The following MOSMO variants were observed in gnomAD, a reference collection of about 807,000 sequenced individuals.
MOSMO encodes the protein modulator of smoothened protein.
MOSMO carries 5 observed loss-of-function variants against 18.4 expected under a neutral mutation model. The observed-to-expected ratio is 0.27, with a 90% CI of 0.14 to 0.57. The LOEUF (loss-of-function observed/expected upper bound fraction) is 0.57, where lower values mean the gene tolerates loss of function less well. Ranked by LOEUF, MOSMO falls within the 20% of genes least tolerant of loss-of-function variation. The pLI is 0.92. For synonymous variants in MOSMO, 82 were observed against 82.3 expected, an observed-to-expected ratio of 1.00 and a Z score of 0.02; for missense variants, 138 against 211.8, an observed-to-expected ratio of 0.65 and a Z score of 2.16.
chr16:22,060,481 C>T (rs1900621010), intron 1 of MOSMO, among the ~76,000 whole-genome samples: 1 of 152,184 alleles, frequency 6.6e-6, no homozygotes, highest in Non-Finnish European at 1.5e-5. Flanking sequence ...CCTACCTCTA[C>T]ATTTTTAGAA....
At chr16:22,078,992 G>A (rs1285295132) in intron 2 of MOSMO, among the ~76,000 whole-genome samples, 3 of 152,316 alleles carry the variant, frequency 2.0e-5, no homozygotes, top group Non-Finnish European at 2.9e-5. Context: ...GAAATAAGCT[G>A]TAAGTTTGTA....
downstream of MOSMO, among the ~76,000 whole-genome samples, chr16:22,084,938 C>T (rs1399631423): frequency 6.6e-6 from 1 of 152,218 alleles, no homozygotes; most frequent in African/African-American, 2.4e-5. Context: ...CGTCATGCTT[C>T]CATGAGCTAG....
At chr16:22,065,868 TC>T (rs1281930022) in intron 1 of MOSMO, among the ~76,000 whole-genome samples, 2 of 152,186 alleles carry the variant, frequency 1.3e-5, no homozygotes, top group Admixed American at 1.3e-4. Context: ...AGTAAGGACC[TC>T]CAAAAATCTG....
At chr16:22,016,422 T>C (rs1167161220) in intron 1 of MOSMO, among the ~76,000 whole-genome samples, 1 of 152,218 alleles carries the variant, frequency 6.6e-6, no homozygotes, top group African/African-American at 2.4e-5. Context: ...TATTTACTTA[T>C]ACCTGCCTTG....
At position 22,080,824 on chromosome 16, in the gene MOSMO, A is replaced by G. The variant is rs1901064610; in HGVS notation, c.448A>G (p.Ile150Val). The part of the protein sequence containing the change: ...GSSYVLFVLS[I>V]FFTIVGLLFA... ...ATCATATGTACTTTTTGTCTTATCA[A>G]TTTTCTTTACAATAGTAGGACTTCT... The change falls in exon 3 of 3, where the codon ATT becomes GTT. Residue 150 changes from isoleucine (I) to valine (V), a missense_variant. Transcript: ENST00000542527. The G allele has an allele frequency of 6.8e-7, 1 of 1,476,122 alleles. No homozygotes were observed. The highest frequency in any genetic ancestry group is 1.4e-5 in the African/African-American group (1 of 69,086). 91.4% of individuals were successfully genotyped at this position (1,476,122 alleles called of 1,614,324 possible).
rs1235369413 is a variant in MOSMO, at chr16:22,083,270, AT to A, written c.*2393del. 1 of 152,620 alleles carries A rather than the reference AT, an allele frequency of 6.6e-6. No homozygotes were observed. The highest frequency in any genetic ancestry group is 1.5e-5 in the Non-Finnish European group (1 of 68,346). The allele number at this position is 152,620 out of a possible 1,614,324, so 9.5% of individuals were successfully genotyped here. On this transcript the variant is annotated 3_prime_UTR_variant, in exon 3 of 3. Transcript: ENST00000542527. ...GTGGTATTGCATTTAAGATTACAAA[AT>A]TTAAGGTTTTATTTGTATCTATTAC...
At chr16:22,029,725 A>C (rs566238239) in intron 1 of MOSMO, among the ~76,000 whole-genome samples, 15 of 152,312 alleles carry the variant, frequency 9.8e-5, no homozygotes, top group African/African-American at 3.6e-4. Context: ...CCCTAGGCTC[A>C]AGTGATCCTC....
intron 1 of MOSMO, among the ~76,000 whole-genome samples, chr16:22,019,291 T>G (rs1389666825): frequency 6.6e-6 from 1 of 152,228 alleles, no homozygotes; most frequent in Admixed American, 6.5e-5. Flanking sequence ...TATTACTTTC[T>G]GTTTCCTGTG....
chr16:22,008,242 G>T lies in MOSMO; in HGVS notation c.-60G>T. 8.9e-7 allele frequency: 1 copy of T among 1,124,334 alleles called. No homozygotes were observed. Among genetic ancestry groups the T allele is most frequent in the South Asian group, 1.5e-5 (1 of 67,278 alleles). 69.6% of individuals were successfully genotyped at this position (1,124,334 alleles called of 1,614,324 possible). A position where few individuals can be genotyped will look rare whatever the true frequency, so the allele number is the denominator to read the frequency against. On this transcript the variant is annotated 5_prime_UTR_variant, in exon 1 of 3. Coordinates refer to ENST00000542527, the MANE Select transcript of MOSMO (RefSeq NM_001164579.2). ...GGGCCCCGGCGGCGGCCCATGGGGC[G>T]GGAGGCGTGAGGCCGCTGCCTGTCC...
chr16:22,091,443 G>A (rs927249437), downstream of MOSMO, among the ~76,000 whole-genome samples: 2 of 152,186 alleles, frequency 1.3e-5, no homozygotes, highest in East Asian at 1.9e-4. Flanking sequence ...GAGTGCAGTG[G>A]TGCGATCATA....
At chr16:22,016,336 A>T (rs964744790) in intron 1 of MOSMO, among the ~76,000 whole-genome samples, 1 of 152,216 alleles carries the variant, frequency 6.6e-6, no homozygotes, top group African/African-American at 2.4e-5. Context: ...AAATGCTCAA[A>T]TGTTAGTCAT....
chr16:22,040,826 C>A (rs1439165753), intron 1 of MOSMO, among the ~76,000 whole-genome samples: 1 of 152,052 alleles, frequency 6.6e-6, no homozygotes, highest in African/African-American at 2.4e-5. Context: ...AAAGTAAAGA[C>A]ACAAAGACAC....
At chr16:22,041,769 G>C (rs958985400) in intron 1 of MOSMO, among the ~76,000 whole-genome samples, 2 of 151,970 alleles carry the variant, frequency 1.3e-5, no homozygotes, top group South Asian at 4.2e-4. Flanking sequence ...CCTTGAACTG[G>C]GCTCAAGCAT....
chr16:22,015,219 G>A (rs183178521), intron 1 of MOSMO, among the ~76,000 whole-genome samples: 138 of 152,020 alleles, frequency 9.1e-4, no homozygotes, highest in Middle Eastern at 3.4e-3. Flanking sequence ...CTTAAACTTA[G>A]CATAATGTTC....
intron 1 of MOSMO, among the ~76,000 whole-genome samples, chr16:22,042,317 AC>A (rs71379634): frequency 0.077 from 11,647 of 152,130 alleles, 638 homozygotes; most frequent in South Asian, 0.25. Context: ...GTTATTTGAC[AC>A]CTTTTCTAGG....
intron 2 of MOSMO, chr16:22,076,171 T>C (rs1415121839): frequency 5.9e-6 from 1 of 168,976 alleles, no homozygotes; most frequent in East Asian, 1.6e-4. Context: ...ATTTAATAAT[T>C]GTTTATCAAT....
intron 1 of MOSMO, among the ~76,000 whole-genome samples, chr16:22,072,511 A>C (rs1598024538): frequency 6.6e-6 from 1 of 152,222 alleles, no homozygotes; most frequent in African/African-American, 2.4e-5. Context: ...AGAGAGACTC[A>C]GCAAAATATT....
At chr16:22,017,081 C>A (rs1162315006) in intron 1 of MOSMO, among the ~76,000 whole-genome samples, 3 of 152,166 alleles carry the variant, frequency 2.0e-5, no homozygotes, top group African/African-American at 7.2e-5. Flanking sequence ...TTACTAGCTT[C>A]TGTAATGCAA....
intron 1 of MOSMO, among the ~76,000 whole-genome samples, chr16:22,024,276 T>C (rs776274932): frequency 4.6e-5 from 7 of 151,978 alleles, no homozygotes; most frequent in African/African-American, 7.3e-5. Flanking sequence ...ATGAGTGAAA[T>C]TAGTGGTTAG....
Sources: gnomAD v4.1 joint callset for allele counts (sites outside exome capture counted in the v4.1 genomes callset) on GRCh38, gnomAD v4.1.1 for gene constraint, MANE v1.5 for transcripts, NCBI Gene and HGNC (gene_info 2026-07-23, HGNC 2026-07-21) for gene names.